MAP3K4: variants seen among roughly 807,000 people sequenced by gnomAD.
MAP3K4 encodes the protein MAP three kinase 1.
MAP3K4 carries 67 observed loss-of-function variants against 185.6 expected under a neutral mutation model. The observed-to-expected ratio is 0.36, with a 90% confidence interval of 0.30 to 0.44. The LOEUF is 0.44. Among genes scored for constraint, MAP3K4 ranks in the 20% least tolerant of loss-of-function variants. The pLI is 1.00. For missense variants in MAP3K4, 1,551 were observed against 1,995.1 expected, an observed-to-expected ratio of 0.78 and a Z score of 4.24; for synonymous variants, 702 against 710.4, an observed-to-expected ratio of 0.99 and a Z score of 0.19.
At position 161,077,074 on chromosome 6, in the gene MAP3K4, G is replaced by C. The variant is rs1253506387; in HGVS notation, c.2097+3462G>C. On this transcript the variant is annotated intron_variant, in intron 5 of 26. Coordinates refer to ENST00000392142, the MANE Select transcript of MAP3K4 (RefSeq NM_005922.4). This position sits in a 1 kb window ranked among gnomAD's most constrained non-coding sequence, Gnocchi z 4.3. The stretch of plus-strand genomic sequence containing the variant: ...TTTATATACATTATAATCCAGTTTA[G>C]GTAACAGATGAAAAACGTAGACCAA... Among the ~76,000 whole-genome samples the C allele has an allele frequency of 6.6e-6, 1 of 152,082 alleles. No homozygotes were observed. The highest frequency in any genetic ancestry group is 2.4e-5 in the African/African-American group (1 of 41,398).
intron 1 of MAP3K4, among the ~76,000 whole-genome samples, chr6:161,023,944 G>A (rs1450757446): frequency 6.6e-6 from 1 of 151,924 alleles, no homozygotes; most frequent in Non-Finnish European, 1.5e-5. Flanking sequence ...TTTTAATTTT[G>A]GAATAGCTTA....
Position 161,096,008 on chromosome 6 carries a change from T to G in MAP3K4, c.3428-1072T>G, listed in dbSNP as rs555189784. ...AATTAAAGACTCACCAAATCTTTTG[T>G]TTTTTTTTAACCTTTGTTACTATTG... On this transcript the variant is annotated intron_variant, in intron 15 of 26. Coordinates refer to ENST00000392142, the MANE Select transcript of MAP3K4 (RefSeq NM_005922.4). The surrounding 1 kb of genome is among the most constrained non-coding windows in gnomAD (Gnocchi z 4.9). Among the ~76,000 whole-genome samples the G allele has an allele frequency of 1.6e-4, 24 of 151,366 alleles. No individual in the cohort carries two copies. The highest frequency in any genetic ancestry group is 5.8e-4 in the East Asian group (3 of 5,160).
At chr6:161,002,459 A>G (rs539779128) in intron 1 of MAP3K4, among the ~76,000 whole-genome samples, 1 of 152,306 alleles carries the variant, frequency 6.6e-6, no homozygotes, top group Non-Finnish European at 1.5e-5. Flanking sequence ...CTTCTCGCTT[A>G]ATAAAAGTAA....
rs1359810882 is a variant in MAP3K4, at chr6:161,061,739, C to G, written c.1708-8869C>G. ...GTGGTCTTTTGAGACTGGCTTCTTT[C>G]ATTTGCATAATGTTTTCAAGGTTCA... On this transcript the variant is annotated intron_variant, in intron 3 of 26. Transcript: ENST00000392142. This position sits in a 1 kb window ranked among gnomAD's most constrained non-coding sequence, Gnocchi z 4.2. 6.6e-6 allele frequency among the ~76,000 whole-genome samples: 1 copy of G among 152,212 alleles called. No homozygotes were observed. The highest frequency in any genetic ancestry group is 2.4e-5 in the African/African-American group (1 of 41,446).
chr6:161,005,290 C>T (rs1278216111), intron 1 of MAP3K4, among the ~76,000 whole-genome samples: 2 of 151,976 alleles, frequency 1.3e-5, no homozygotes, highest in East Asian at 3.9e-4. Context: ...AGGCACATGC[C>T]ACCATGCGTG....
rs1313218327 is a variant in MAP3K4 at position 161,022,108 on chromosome 6, C to G, written c.153-12151C>G. The G allele has an allele frequency of 1.3e-5, 2 of 152,144 alleles. No individual in the cohort carries two copies. The highest frequency in any genetic ancestry group is 2.4e-5 in the African/African-American group (1 of 41,420). The allele number at this position is 152,144 out of a possible 1,614,324, so 9.4% of individuals were successfully genotyped here. On this transcript the variant is annotated intron_variant, in intron 1 of 26. Coordinates refer to ENST00000392142, the MANE Select transcript of MAP3K4 (RefSeq NM_005922.4). The surrounding 1 kb of genome is among the most constrained non-coding windows in gnomAD (Gnocchi z 4.2). ...GCTGTTTTCTATTTCAACACACGCA[C>G]ACCGGCACACACCCAGGCTCATGTG...
intron 2 of MAP3K4, among the ~76,000 whole-genome samples, chr6:161,035,273 A>C (rs2115173090): frequency 6.6e-6 from 1 of 152,296 alleles, no homozygotes; most frequent in African/African-American, 2.4e-5. Context: ...TTTAGTCTTC[A>C]TCTTGTCTGA....
intron 1 of MAP3K4, among the ~76,000 whole-genome samples, chr6:161,012,924 A>G (rs185404771): frequency 1.3e-5 from 2 of 152,170 alleles, no homozygotes; most frequent in African/African-American, 4.8e-5. Context: ...ATTTCATTTT[A>G]TGAGCATACC....
At chr6:161,069,109 T>C (rs1224601517) in intron 3 of MAP3K4, among the ~76,000 whole-genome samples, 2 of 152,238 alleles carry the variant, frequency 1.3e-5, no homozygotes, top group African/African-American at 2.4e-5. Flanking sequence ...TTTAATCTTG[T>C]TAAGAGGTAG....
At chr6:160,992,155 G>C (rs1334269719) in intron 1 of MAP3K4, 72 bp downstream of exon 1, 6 of 1,429,490 alleles carry the variant, frequency 4.2e-6, no homozygotes, top group Non-Finnish European at 5.5e-6. Flanking sequence ...GGTCGGGCCC[G>C]AGGGCCTCTG....
In MAP3K4 at chr6:161,108,484, G is replaced by A. The variant is rs1033689383; in HGVS notation, c.4120-259G>A. 1.3e-5 allele frequency among the ~76,000 whole-genome samples: 2 copies of A among 152,064 alleles called. No homozygotes were observed. Among genetic ancestry groups the A allele is most frequent in the African/African-American group, 2.4e-5 (1 of 41,386 alleles). On this transcript the variant is annotated intron_variant, in intron 21 of 26. Transcript: ENST00000392142. This position sits in a 1 kb window ranked among gnomAD's most constrained non-coding sequence, Gnocchi z 5.7. ...AGCGTCTTGCACTTGCCGTGGAGCC[G>A]CGTCCTCCTCCACATGGCGCTCCTC... is the stretch of plus-strand genomic sequence containing the variant.
At chr6:161,006,863 G>T (rs1348464706) in intron 1 of MAP3K4, among the ~76,000 whole-genome samples, 1 of 151,974 alleles carries the variant, frequency 6.6e-6, no homozygotes. Flanking sequence ...CTGCTTCTTG[G>T]TGGTCATGAA....
rs1783059842 is a variant in MAP3K4, at chr6:161,034,315, A to T, written c.209A>T (p.Asp70Val). 6 of 1,613,908 alleles carry T rather than the reference A, an allele frequency of 3.7e-6. No individual in the cohort carries two copies. The highest frequency in any genetic ancestry group is 1.1e-5 in the South Asian group (1 of 91,076). The change falls in exon 2 of 27, where the codon GAC becomes GTC. Residue 70 changes from aspartate to valine, a missense_variant. Asp to Val is a radical substitution (Grantham distance 152). This residue lies in a region of MAP3K4 where 287 missense variants were observed against 268.8 expected (regional missense o/e 1.07). Transcript: ENST00000392142. The surrounding 1 kb of genome is among the most constrained non-coding windows in gnomAD (Gnocchi z 4.4). ...AAGAGTCCTGAATCTGATCTAGAAGACTTCTCCGATGAAACAAATACAGAG... is the reference window on the plus strand; with the variant it reads ...AAGAGTCCTGAATCTGATCTAGAAGTCTTCTCCGATGAAACAAATACAGAG... ...ACKSPESDLE[D>V]FSDETNTENL...
chr6:161,072,462 T>C (rs1401752886), intron 4 of MAP3K4, among the ~76,000 whole-genome samples: 2 of 152,196 alleles, frequency 1.3e-5, no homozygotes, highest in African/African-American at 4.8e-5. Flanking sequence ...TAAGTATTTT[T>C]CAAAAGCAAG....
intron 1 of MAP3K4, among the ~76,000 whole-genome samples, chr6:161,003,034 ATGAT>A (rs1781401157): frequency 1.5e-5 from 1 of 67,272 alleles, no homozygotes; most frequent in East Asian, 2.9e-4. Flanking sequence ...ATTTGATAAC[ATGAT>A]ATAACATATG....
intron 6 of MAP3K4, among the ~76,000 whole-genome samples, chr6:161,083,568 G>A (rs1785557937): frequency 6.6e-6 from 1 of 152,124 alleles, no homozygotes; most frequent in African/African-American, 2.4e-5. Context: ...ACTTTCCCCT[G>A]TCCCTTTGTA....
Position 161,116,968 on chromosome 6 carries a change from C to A in MAP3K4, c.*98C>A. 1 of 1,138,168 alleles carries A rather than the reference C, an allele frequency of 8.8e-7. No homozygotes were observed. The highest frequency in any genetic ancestry group is 1.3e-6 in the Non-Finnish European group (1 of 759,052). 70.5% of individuals were successfully genotyped at this position (1,138,168 alleles called of 1,614,324 possible). A position where few individuals can be genotyped will look rare whatever the true frequency, so the allele number is the denominator to read the frequency against. On this transcript the variant is annotated 3_prime_UTR_variant, in exon 27 of 27. Transcript: ENST00000392142. The surrounding 1 kb of genome is among the most constrained non-coding windows in gnomAD (Gnocchi z 6.2). The stretch of plus-strand genomic sequence containing the variant: ...TGAGAAGCAGTATAAGCCTTTTTAA[C>A]CTTCCAAGACTGAAGACTGCACAGG...
intron 1 of MAP3K4, among the ~76,000 whole-genome samples, chr6:161,011,189 T>C (rs1781828997): frequency 6.6e-6 from 1 of 152,154 alleles, no homozygotes; most frequent in Non-Finnish European, 1.5e-5. Flanking sequence ...TAATGAAGAA[T>C]TTGAAAGTAA....
At position 161,098,999 on chromosome 6, in the gene MAP3K4, T is replaced by C. The variant is rs549171650; in HGVS notation, c.3674+572T>C. Among the ~76,000 whole-genome samples the C allele has an allele frequency of 8.5e-5, 13 of 152,354 alleles. No homozygotes were observed. The highest frequency in any genetic ancestry group is 3.1e-4 in the African/African-American group (13 of 41,584). ...GCCCCAGAACAATTAAGTCTCGCAT[T>C]GTCTTTTGTGTAAGTAAGGAGGGTC... On this transcript the variant is annotated intron_variant, in intron 17 of 26. Transcript: ENST00000392142. This position sits in a 1 kb window ranked among gnomAD's most constrained non-coding sequence, Gnocchi z 4.4.
Sources: gnomAD v4.1 joint callset for allele counts (sites outside exome capture counted in the v4.1 genomes callset) on GRCh38, gnomAD v4.1.1 for gene constraint, gnomAD v4.1.1 regional missense constraint, Gnocchi (gnomAD v3.1) non-coding constraint, MANE v1.5 for transcripts, NCBI Gene and HGNC (gene_info 2026-07-23, HGNC 2026-07-21) for gene names.